RGS20: variants seen among roughly 807,000 people sequenced by gnomAD.
The protein encoded by RGS20 is regulator of G protein signaling 20.
In RGS20, 30 loss-of-function variants were observed where a neutral mutation model predicts 33.6. The observed-to-expected ratio is 0.89, with a 90% CI of 0.67 to 1.21. RGS20 has a LOEUF of 1.21. Ranked by LOEUF, RGS20 falls within the 50% of genes most tolerant of loss-of-function variation. The pLI is 0.00. For synonymous variants in RGS20, 208 were observed against 197.9 expected (o/e 1.05, Z -0.43); for missense variants, 472 against 502.4 (o/e 0.94, Z 0.58).
At chr8:53,925,513 C>T (rs1302207065) in intron 2 of RGS20, among the ~76,000 whole-genome samples, 4 of 152,170 alleles carry the variant, frequency 2.6e-5, no homozygotes, top group Non-Finnish European at 5.9e-5. Context: ...TGTGGTGGCT[C>T]ATGCCTGTAA....
intron 5 of RGS20, among the ~76,000 whole-genome samples, chr8:53,955,102 G>A (rs973668658): frequency 2.6e-4 from 39 of 151,302 alleles, no homozygotes; most frequent in East Asian, 1.2e-3. Flanking sequence ...CCGTGAATGC[G>A]GGTGCAGCTG....
intron 1 of RGS20, among the ~76,000 whole-genome samples, chr8:53,853,774 C>T (rs1385187376): frequency 6.6e-6 from 1 of 152,100 alleles, no homozygotes; most frequent in Non-Finnish European, 1.5e-5. Flanking sequence ...GAAAGACAAA[C>T]ATATAGCATA....
At chr8:53,932,068 A>G (rs1027315338) in intron 2 of RGS20, among the ~76,000 whole-genome samples, 2 of 152,196 alleles carry the variant, frequency 1.3e-5, no homozygotes, top group African/African-American at 4.8e-5. Context: ...TTCTTTAAGA[A>G]TGTTGAATAT....
chr8:53,894,542 GA>G (rs1460394744), intron 2 of RGS20, among the ~76,000 whole-genome samples: 1 of 152,136 alleles, frequency 6.6e-6, no homozygotes, highest in African/African-American at 2.4e-5. Context: ...GACCTTCTGG[GA>G]AAAGGACTCC....
At chr8:53,942,475 A>AAC in intron 3 of RGS20, among the ~76,000 whole-genome samples, 1 of 151,980 alleles carries the variant, frequency 6.6e-6, no homozygotes, top group East Asian at 1.9e-4. Context: ...AAAAACAAAA[A>AAC]AAAAAGAAAA....
intron 2 of RGS20, among the ~76,000 whole-genome samples, chr8:53,925,675 C>T (rs986851642): frequency 6.6e-5 from 10 of 151,738 alleles, no homozygotes; most frequent in Non-Finnish European, 7.4e-5. Context: ...GTGGAGGTGC[C>T]GGTGAGCTGA....
intron 3 of RGS20, among the ~76,000 whole-genome samples, chr8:53,944,821 T>C (rs1172244795): frequency 1.3e-5 from 2 of 152,088 alleles, no homozygotes; most frequent in Middle Eastern, 3.2e-3. Flanking sequence ...TGAACACACA[T>C]CTCTCCAAAG....
At chr8:53,947,488 A>T (rs1262437758) in intron 4 of RGS20, among the ~76,000 whole-genome samples, 1 of 139,150 alleles carries the variant, frequency 7.2e-6, no homozygotes, top group Non-Finnish European at 1.5e-5. Flanking sequence ...ACATTTATAT[A>T]TGCTATATAG....
chr8:53,869,864 A>T (rs1812019342), intron 1 of RGS20, among the ~76,000 whole-genome samples: 1 of 152,068 alleles, frequency 6.6e-6, no homozygotes, highest in African/African-American at 2.4e-5. Context: ...AGAGCAGAGA[A>T]AGGAGCGTGG....
At chr8:53,865,437 AT>A (rs1811898246) in intron 1 of RGS20, among the ~76,000 whole-genome samples, 1 of 152,256 alleles carries the variant, frequency 6.6e-6, no homozygotes, top group South Asian at 2.1e-4. Flanking sequence ...AAACATTTTT[AT>A]TACAAAAGTG....
intron 2 of RGS20, among the ~76,000 whole-genome samples, chr8:53,883,633 G>T (rs1002100890): frequency 1.3e-5 from 2 of 152,056 alleles, no homozygotes; most frequent in African/African-American, 2.4e-5. Flanking sequence ...TGTGAAATGG[G>T]GGTAATAAGA....
At chr8:53,878,914 G>C (rs1299227970) in intron 1 of RGS20, among the ~76,000 whole-genome samples, 4 of 152,158 alleles carry the variant, frequency 2.6e-5, no homozygotes, top group Non-Finnish European at 1.5e-5. Context: ...AGACCCTTCT[G>C]CATACCGCAT....
intron 2 of RGS20, among the ~76,000 whole-genome samples, chr8:53,930,805 TCCC>T (rs1813933329): frequency 6.6e-6 from 1 of 152,164 alleles, no homozygotes; most frequent in Non-Finnish European, 1.5e-5. Context: ...TGCCTCGGCC[TCCC>T]AAGGAATATG....
chr8:53,909,226 T>C (rs1308031277), intron 2 of RGS20, among the ~76,000 whole-genome samples: 2 of 124,462 alleles, frequency 1.6e-5, no homozygotes, highest in Non-Finnish European at 3.3e-5. Context: ...TATATATATA[T>C]ATATATATAT....
chr8:53,947,914 T>C (rs2129292357), intron 4 of RGS20, among the ~76,000 whole-genome samples: 1 of 137,518 alleles, frequency 7.3e-6, no homozygotes, highest in East Asian at 2.1e-4. Context: ...TATGATATAG[T>C]ATATATATTT....
intron 2 of RGS20, chr8:53,914,035 C>A (rs1300444172): frequency 1.1e-5 from 1 of 93,472 alleles, no homozygotes; most frequent in African/African-American, 7.2e-5. Context: ...TTTCCAATCT[C>A]TCTTTTTTTT....
At chr8:53,907,387 C>T (rs1179408702) in intron 2 of RGS20, among the ~76,000 whole-genome samples, 1 of 152,092 alleles carries the variant, frequency 6.6e-6, no homozygotes, top group Non-Finnish European at 1.5e-5. Flanking sequence ...GAGTTCAAGA[C>T]CAGCCTGGCC....
intron 1 of RGS20, among the ~76,000 whole-genome samples, chr8:53,855,202 C>A (rs1419667287): frequency 1.3e-5 from 2 of 152,016 alleles, no homozygotes; most frequent in Non-Finnish European, 2.9e-5. Context: ...GAAGCTAGGA[C>A]TACAGGCACG....
intron 2 of RGS20, among the ~76,000 whole-genome samples, chr8:53,935,159 G>A (rs1814093338): frequency 6.6e-6 from 1 of 152,090 alleles, no homozygotes; most frequent in African/African-American, 2.4e-5. Context: ...GAGAAAGCAG[G>A]AAAAATCTAG....
Sources: allele counts gnomAD v4.1 joint callset (sites outside exome capture counted in the v4.1 genomes callset), GRCh38; gene constraint gnomAD v4.1.1; transcripts MANE v1.5; gene names NCBI Gene and HGNC (gene_info 2026-07-23, HGNC 2026-07-21).